Variants in ZCCHC10 observed in about 807,000 individuals in gnomAD.
The protein encoded by ZCCHC10 is zinc finger CCHC-type containing 10.
ZCCHC10 carries 16 observed loss-of-function variants against 19.5 expected under a neutral mutation model. The ratio of observed to expected loss-of-function variants is 0.82; its 90% CI spans 0.56 to 1.25. The LOEUF (loss-of-function observed/expected upper bound fraction) is 1.25, where lower values mean the gene tolerates loss of function less well. Ranked by LOEUF, ZCCHC10 falls within the 50% of genes most tolerant of loss-of-function variation. The probability of loss-of-function intolerance (pLI) is 0.00; values close to 1 mark genes in which losing one functional copy is unlikely to be tolerated. For missense variants in ZCCHC10, 197 were observed against 201.0 expected, an observed-to-expected ratio of 0.98 and a Z score of 0.12; for synonymous variants, 67 against 72.5, an observed-to-expected ratio of 0.92 and a Z score of 0.38.
intron 2 of ZCCHC10, among the ~76,000 whole-genome samples, chr5:133,016,344 C>T (rs1041847505): frequency 6.6e-6 from 1 of 152,198 alleles, no homozygotes; most frequent in African/African-American, 2.4e-5. Context: ...CATGATTTCA[C>T]ACTGATAATT....
intron 2 of ZCCHC10, among the ~76,000 whole-genome samples, chr5:133,014,233 C>A (rs951905825): frequency 2.1e-5 from 3 of 145,374 alleles, no homozygotes; most frequent in African/African-American, 7.7e-5. Flanking sequence ...GATTTCAGCT[C>A]GCTACAACCT....
intron 2 of ZCCHC10, among the ~76,000 whole-genome samples, chr5:133,012,722 C>CT (rs1413136103): frequency 2.0e-5 from 3 of 151,242 alleles, no homozygotes. Flanking sequence ...CAAGACCAGC[C>CT]TGGACAACAT....
intron 1 of ZCCHC10, among the ~76,000 whole-genome samples, chr5:133,026,124 A>C (rs971231806): frequency 2.0e-5 from 3 of 152,154 alleles, no homozygotes; most frequent in Non-Finnish European, 2.9e-5. Context: ...TAGGAAACTG[A>C]AGGTTTACGT....
At chr5:133,009,209 G>T (rs189108225) in intron 2 of ZCCHC10, among the ~76,000 whole-genome samples, 1 of 151,986 alleles carries the variant, frequency 6.6e-6, no homozygotes, top group Non-Finnish European at 1.5e-5. Flanking sequence ...TGCCATGTTG[G>T]CCAGGCTGGT....
At chr5:133,022,963 A>G in intron 1 of ZCCHC10, 57 bp from the exon 2 acceptor site, 1 of 476,962 alleles carries the variant, frequency 2.1e-6, no homozygotes, top group Non-Finnish European at 3.7e-6. Flanking sequence ...AGTCCAGAAA[A>G]TCAATACAAG....
intron 2 of ZCCHC10, among the ~76,000 whole-genome samples, chr5:133,015,234 A>G (rs967417999): frequency 2.6e-5 from 4 of 151,876 alleles, no homozygotes; most frequent in Non-Finnish European, 5.9e-5. Flanking sequence ...GCGCACCACC[A>G]CACTCAGCTA....
Position 132,998,670 on chromosome 5 carries a change from G to A in ZCCHC10, c.492C>T (p.Asp164=). 2 of 1,614,166 alleles carry A rather than the reference G, an allele frequency of 1.2e-6. No individual in the cohort carries two copies. The highest frequency in any genetic ancestry group is 1.7e-6 in the Non-Finnish European group (2 of 1,180,030). ...STTSSSSSDS[D]SDSSSSSSSS... ...TGCTACTGGAAGAGCTGGAATCTGA[G>A]TCTGAATCAGAGGAGGAGGAAGAGG... The change falls in exon 5 of 5, where the codon GAC becomes GAT. Residue 164 remains aspartate (D), a synonymous_variant. Coordinates refer to ENST00000509437, the MANE Select transcript of ZCCHC10 (RefSeq NM_001300816.3).
At chr5:133,001,946 C>T (rs1042441318) in intron 3 of ZCCHC10, among the ~76,000 whole-genome samples, 2 of 140,638 alleles carry the variant, frequency 1.4e-5, no homozygotes, top group Non-Finnish European at 3.1e-5. Context: ...AATCAAAATT[C>T]AGCAATCTTT....
At chr5:133,009,881 A>G (rs1175873080) in intron 2 of ZCCHC10, among the ~76,000 whole-genome samples, 1 of 152,150 alleles carries the variant, frequency 6.6e-6, no homozygotes, top group African/African-American at 2.4e-5. Context: ...ACTGAGATAC[A>G]GCCAAGGAAG....
At chr5:133,015,326 G>A (rs1050277258) in intron 2 of ZCCHC10, among the ~76,000 whole-genome samples, 1 of 152,090 alleles carries the variant, frequency 6.6e-6, no homozygotes, top group African/African-American at 2.4e-5. Context: ...TGATCTGGCT[G>A]ACTTGGCCTC....
At chr5:133,008,889 T>C (rs1189673807) in intron 2 of ZCCHC10, among the ~76,000 whole-genome samples, 1 of 152,114 alleles carries the variant, frequency 6.6e-6, no homozygotes, top group Non-Finnish European at 1.5e-5. Context: ...GGCAAACAGC[T>C]GTAGTCCCAG....
At chr5:133,012,021 C>T (rs1763572180) in intron 2 of ZCCHC10, among the ~76,000 whole-genome samples, 1 of 150,444 alleles carries the variant, frequency 6.6e-6, no homozygotes, top group Admixed American at 6.7e-5. Flanking sequence ...CTGTAGTCCC[C>T]AGCTACTTGG....
At chr5:133,005,195 A>T (rs1238786478) in intron 3 of ZCCHC10, among the ~76,000 whole-genome samples, 1 of 152,022 alleles carries the variant, frequency 6.6e-6, no homozygotes, top group Non-Finnish European at 1.5e-5. Context: ...GCTACTCCGG[A>T]GGCTGAGGCA....
intron 2 of ZCCHC10, among the ~76,000 whole-genome samples, chr5:133,012,794 T>C (rs962279836): frequency 1.6e-4 from 24 of 152,088 alleles, no homozygotes; most frequent in African/African-American, 4.3e-4. Flanking sequence ...CTCACGCCTG[T>C]AATCCCAGCA....
At chr5:133,015,343 T>C (rs545453454) in intron 2 of ZCCHC10, among the ~76,000 whole-genome samples, 10 of 152,124 alleles carry the variant, frequency 6.6e-5, no homozygotes, top group Non-Finnish European at 1.0e-4. Context: ...CCTCCCAAAG[T>C]GCTGGGATTA....
chr5:133,009,446 G>A (rs1026699938), intron 2 of ZCCHC10, among the ~76,000 whole-genome samples: 5 of 151,766 alleles, frequency 3.3e-5, no homozygotes, highest in Admixed American at 6.6e-5. Flanking sequence ...GGTGAAACCC[G>A]TCTCTACTAA....
intron 2 of ZCCHC10, among the ~76,000 whole-genome samples, chr5:133,015,472 G>T (rs573690095): frequency 1.3e-5 from 2 of 152,268 alleles, no homozygotes; most frequent in East Asian, 3.9e-4. Flanking sequence ...CTTGGGTGTG[G>T]CTTGGACTTC....
chr5:133,020,902 TA>T, intron 2 of ZCCHC10, among the ~76,000 whole-genome samples: 2 of 147,436 alleles, frequency 1.4e-5, no homozygotes, highest in South Asian at 4.4e-4. Flanking sequence ...TTGTATTTAT[TA>T]TTTTTTTTTT....
intron 2 of ZCCHC10, among the ~76,000 whole-genome samples, chr5:133,018,123 C>G (rs1581422373): frequency 7.8e-6 from 1 of 128,410 alleles, no homozygotes; most frequent in African/African-American, 3.0e-5. Context: ...CCAGTCTGGG[C>G]AACAAAGTGA....
Sources: allele counts gnomAD v4.1 joint callset (sites outside exome capture counted in the v4.1 genomes callset), GRCh38; gene constraint gnomAD v4.1.1; transcripts MANE v1.5; gene names NCBI Gene and HGNC (gene_info 2026-07-23, HGNC 2026-07-21).